The following NMNAT2 variants were observed in gnomAD, a reference collection of about 807,000 sequenced individuals.
The protein encoded by NMNAT2 is nicotinamide/nicotinic acid mononucleotide adenylyltransferase 2.
NMNAT2 carries 11 observed loss-of-function variants against 41.6 expected under a neutral mutation model. The ratio of observed to expected loss-of-function variants is 0.26; its 90% CI spans 0.17 to 0.44. The LOEUF (loss-of-function observed/expected upper bound fraction) is 0.44, where lower values mean the gene tolerates loss of function less well. Ranked by LOEUF, NMNAT2 falls within the 20% of genes least tolerant of loss-of-function variation. NMNAT2 has a pLI of 1.00. For missense variants in NMNAT2, 288 were observed against 407.7 expected (o/e 0.71, Z 2.53); for synonymous variants, 148 against 151.2 (o/e 0.98, Z 0.16).
At chr1:183,370,029 C>G (rs1372171250) in intron 1 of NMNAT2, among the ~76,000 whole-genome samples, 1 of 152,010 alleles carries the variant, frequency 6.6e-6, no homozygotes, top group Admixed American at 6.6e-5. Context: ...AGAGGACCCT[C>G]CAAGGAGAGG....
In NMNAT2 at chr1:183,418,173, G is replaced by A. The variant is rs1223772262; in HGVS notation, c.85+10C>T. 9 of 1,612,912 alleles carry A rather than the reference G, an allele frequency of 5.6e-6. No individual in the cohort carries two copies. Among genetic ancestry groups the A allele is most frequent in the Non-Finnish European group, 7.6e-6 (9 of 1,179,062 alleles). ...GGAAGCGGCTTCCAGAGGTGGGCGGGAGGACTCACCAAACATCTGAATGTG... is the reference window on the plus strand; with the variant it reads ...GGAAGCGGCTTCCAGAGGTGGGCGGAAGGACTCACCAAACATCTGAATGTG... On this transcript the variant is annotated intron_variant, in intron 1 of 10. Transcript: ENST00000287713.
rs200834536 is a variant in NMNAT2, at chr1:183,251,495, G to A, written c.*1146C>T. 6.6e-6 allele frequency: 1 copy of A among 152,338 alleles called. No individual in the cohort carries two copies. The highest frequency in any genetic ancestry group is 6.5e-5 in the Admixed American group (1 of 15,280). 9.4% of individuals were successfully genotyped at this position (152,338 alleles called of 1,614,324 possible). On this transcript the variant is annotated 3_prime_UTR_variant, in exon 11 of 11. Transcript: ENST00000287713. ...ACCTCCAGGGTTGAGTGGACTCCTA[G>A]TGTTTTTTTGTTTTGTTTTGTTTTT...
chr1:183,286,585 G>T, intron 5 of NMNAT2, 77 bp downstream of exon 5: 4 of 1,286,396 alleles, frequency 3.1e-6, no homozygotes, highest in Non-Finnish European at 4.3e-6. Context: ...GTTCTGGGTG[G>T]ATCCCAGTAG....
chr1:183,350,689 T>C (rs1287961812), intron 1 of NMNAT2, among the ~76,000 whole-genome samples: 1 of 152,200 alleles, frequency 6.6e-6, no homozygotes, highest in African/African-American at 2.4e-5. Flanking sequence ...AGGAAGCTGT[T>C]ACAGAAATAA....
chr1:183,372,044 G>A (rs1177415810), intron 1 of NMNAT2, among the ~76,000 whole-genome samples: 1 of 152,130 alleles, frequency 6.6e-6, no homozygotes, highest in Non-Finnish European at 1.5e-5. Context: ...GCCTCCCAAA[G>A]TGCTAGGATT....
At chr1:183,334,809 C>A (rs536534852) in intron 1 of NMNAT2, among the ~76,000 whole-genome samples, 9 of 151,344 alleles carry the variant, frequency 5.9e-5, no homozygotes, top group African/African-American at 2.2e-4. Flanking sequence ...CGCACCTGGC[C>A]CAAGGCCACC....
chr1:183,402,594 T>A (rs1274533884), intron 1 of NMNAT2, among the ~76,000 whole-genome samples: 1 of 152,224 alleles, frequency 6.6e-6, no homozygotes, highest in Non-Finnish European at 1.5e-5. Flanking sequence ...TTTGATTATT[T>A]TTTGTTGACA....
At chr1:183,413,554 T>G (rs533227766) in intron 1 of NMNAT2, among the ~76,000 whole-genome samples, 1 of 152,138 alleles carries the variant, frequency 6.6e-6, no homozygotes, top group Non-Finnish European at 1.5e-5. Flanking sequence ...TGTGGGTCTT[T>G]TCGAAGAAAT....
At chr1:183,356,956 C>A (rs540166861) in intron 1 of NMNAT2, among the ~76,000 whole-genome samples, 14 of 152,248 alleles carry the variant, frequency 9.2e-5, no homozygotes, top group African/African-American at 3.4e-4. Flanking sequence ...GAATTCACAG[C>A]CAATATTTAA....
chr1:183,338,404 G>C (rs1228974952), intron 1 of NMNAT2, among the ~76,000 whole-genome samples: 1 of 152,114 alleles, frequency 6.6e-6, no homozygotes, highest in African/African-American at 2.4e-5. Flanking sequence ...CAACAGTGTA[G>C]AAATAGCATA....
intron 1 of NMNAT2, among the ~76,000 whole-genome samples, chr1:183,383,468 C>T (rs1663846543): frequency 6.6e-6 from 1 of 152,220 alleles, no homozygotes; most frequent in Non-Finnish European, 1.5e-5. Context: ...TTTTCTACCA[C>T]ATGGTCAGGT....
At chr1:183,347,543 T>C (rs1052127700) in intron 1 of NMNAT2, among the ~76,000 whole-genome samples, 1 of 152,186 alleles carries the variant, frequency 6.6e-6, no homozygotes, top group Non-Finnish European at 1.5e-5. Flanking sequence ...CATTATTATA[T>C]GGAAAAAGCT....
At chr1:183,272,038 C>T (rs555634576) in intron 8 of NMNAT2, among the ~76,000 whole-genome samples, 1 of 152,218 alleles carries the variant, frequency 6.6e-6, no homozygotes. Flanking sequence ...CAAGCATGAG[C>T]CACCACACCT....
intron 8 of NMNAT2, among the ~76,000 whole-genome samples, chr1:183,271,680 C>T (rs869179248): frequency 6.6e-5 from 10 of 151,970 alleles, no homozygotes; most frequent in African/African-American, 2.2e-4. Context: ...ATACATGCTA[C>T]GTTTATCCTG....
At chr1:183,296,807 C>T (rs182633107) in intron 1 of NMNAT2, among the ~76,000 whole-genome samples, 2 of 152,282 alleles carry the variant, frequency 1.3e-5, no homozygotes, top group East Asian at 3.9e-4. Context: ...AGCCACCGCA[C>T]CCAGCCCCAT....
chr1:183,277,813 G>A (rs373297998), intron 8 of NMNAT2, among the ~76,000 whole-genome samples: 7 of 152,122 alleles, frequency 4.6e-5, no homozygotes, highest in Admixed American at 1.3e-4. Flanking sequence ...ACTGAGGCAG[G>A]TCCAGAGTCA....
intron 1 of NMNAT2, among the ~76,000 whole-genome samples, chr1:183,302,195 C>G (rs954216248): frequency 1.3e-5 from 2 of 152,202 alleles, no homozygotes; most frequent in Non-Finnish European, 2.9e-5. Context: ...GTTGAAGGCT[C>G]TGTCCCAGTC....
intron 1 of NMNAT2, among the ~76,000 whole-genome samples, chr1:183,376,738 G>A (rs1454173051): frequency 1.3e-5 from 2 of 152,120 alleles, no homozygotes; most frequent in Non-Finnish European, 2.9e-5. Context: ...TTGACTGTGT[G>A]GTAGGTAGAA....
intron 8 of NMNAT2, among the ~76,000 whole-genome samples, chr1:183,273,667 G>T (rs1465525674): frequency 6.6e-6 from 1 of 152,174 alleles, no homozygotes; most frequent in Non-Finnish European, 1.5e-5. Flanking sequence ...TCACTGAGGT[G>T]CTAAGTAATT....
Sources: allele counts gnomAD v4.1 joint callset (sites outside exome capture counted in the v4.1 genomes callset), GRCh38; gene constraint gnomAD v4.1.1; transcripts MANE v1.5; gene names NCBI Gene and HGNC (gene_info 2026-07-23, HGNC 2026-07-21).